The following USP26 variants were observed in gnomAD, a reference collection of about 807,000 sequenced individuals.
USP26 encodes ubiquitin specific peptidase 26.
For synonymous variants in USP26, 236 were observed against 240.6 expected (o/e 0.98, Z 0.18); for missense variants, 649 against 642.3 (o/e 1.01, Z -0.11).
In USP26 at chrX:133,028,113, A is replaced by G. The variant is rs1463480594; in HGVS notation, c.108T>C (p.Asp36=). Residue 36 remains aspartate, a synonymous_variant, in exon 6 of 6, where the codon GAT becomes GAC. Coordinates refer to ENST00000511190, the MANE Select transcript of USP26 (RefSeq NM_031907.3). ...CACTTTTGAAATACAGCACCAGTCT[A>G]TCTTTCTTCTTTCTTTCCACTGCTT... ...FIEAVERKKK[D]RLVLYFKSGK... 2 of 1,211,417 alleles carry G rather than the reference A, an allele frequency of 1.7e-6. No individual in the cohort carries two copies. The highest frequency in any genetic ancestry group is 2.2e-6 in the Non-Finnish European group (2 of 895,178).
chrX:133,026,452 G>C lies in USP26; in HGVS notation c.1769C>G (p.Ala590Gly), dbSNP rs1465588347. Residue 590 changes from alanine to glycine, a missense_variant, in exon 6 of 6, where the codon GCA becomes GGA. Ala to Gly is a moderately conservative substitution (Grantham distance 60). Transcript: ENST00000511190. ...TSGNISVSWPATKESKDILAP... is the reference protein window; with the variant it reads ...TSGNISVSWPGTKESKDILAP... ...CAGGATATCTTTGGATTCCTTTGTT[G>C]CAGGCCATGATACACTGATGTTTCC... 1.7e-6 allele frequency: 2 copies of C among 1,208,303 alleles called. No individual in the cohort carries two copies. Among genetic ancestry groups the C allele is most frequent in the Non-Finnish European group, 1.1e-6 (1 of 894,669 alleles).
At chrX:133,092,605 T>C (rs771680849) in intron 1 of USP26, among the ~76,000 whole-genome samples, 1 of 112,115 alleles carries the variant, frequency 8.9e-6, no homozygotes, top group South Asian at 3.7e-4. Flanking sequence ...TTTGTGGGTA[T>C]GCTCTTTGGA....
intron 5 of USP26, among the ~76,000 whole-genome samples, chrX:133,058,799 T>A (rs1045945074): frequency 2.7e-5 from 3 of 111,355 alleles, no homozygotes; most frequent in Non-Finnish European, 5.7e-5. Flanking sequence ...TTTCTATTTA[T>A]TGTTCTTTAT....
intron 5 of USP26, among the ~76,000 whole-genome samples, chrX:133,059,477 T>C (rs1174411928): frequency 9.0e-6 from 1 of 111,353 alleles, no homozygotes; most frequent in East Asian, 2.8e-4. Context: ...GTATTTGCAC[T>C]TTGGCTGGCA....
chrX:133,058,622 C>T (rs2067484914), intron 5 of USP26, among the ~76,000 whole-genome samples: 1 of 111,522 alleles, frequency 9.0e-6, no homozygotes, highest in South Asian at 3.8e-4. Flanking sequence ...GATTTATCTT[C>T]CTCCATCTCT....
intron 5 of USP26, among the ~76,000 whole-genome samples, chrX:133,034,485 T>A (rs2067389554): frequency 8.9e-6 from 1 of 111,974 alleles, no homozygotes; most frequent in Non-Finnish European, 1.9e-5. Context: ...TTTAAATGCA[T>A]ACACACTTTA....
chrX:133,085,381 T>G (rs1393663961), intron 4 of USP26, among the ~76,000 whole-genome samples: 1 of 112,352 alleles, frequency 8.9e-6, no homozygotes, highest in Non-Finnish European at 1.9e-5. Context: ...AGGAGGCAGC[T>G]TATTCCTAGT....
chrX:133,078,522 T>C (rs1166271244), intron 5 of USP26, among the ~76,000 whole-genome samples: 1 of 112,274 alleles, frequency 8.9e-6, no homozygotes, highest in African/African-American at 3.2e-5. Context: ...TGAAGAAAGT[T>C]AGTTAAATGA....
intron 5 of USP26, among the ~76,000 whole-genome samples, chrX:133,039,580 C>T (rs2067409935): frequency 9.0e-6 from 1 of 111,454 alleles, no homozygotes; most frequent in Non-Finnish European, 1.9e-5. Flanking sequence ...GTTTTACTTC[C>T]AATTATGTGG....
At chrX:133,081,907 C>T (rs1174480433) in intron 5 of USP26, among the ~76,000 whole-genome samples, 1 of 111,890 alleles carries the variant, frequency 8.9e-6, no homozygotes, top group Non-Finnish European at 1.9e-5. Context: ...CTTTTGAATG[C>T]CCACATTCTA....
chrX:133,083,247 C>G (rs2067576140), intron 5 of USP26, among the ~76,000 whole-genome samples: 1 of 112,057 alleles, frequency 8.9e-6, no homozygotes, highest in Admixed American at 9.5e-5. Context: ...CCTCTGTGAT[C>G]TCTTGATATT....
intron 5 of USP26, among the ~76,000 whole-genome samples, chrX:133,046,655 G>A (rs777440891): frequency 9.0e-6 from 1 of 110,940 alleles, no homozygotes; most frequent in South Asian, 3.9e-4. Flanking sequence ...GAGAGAGAGA[G>A]AAACAGAGAG....
At chrX:133,073,462 T>C (rs1020803592) in intron 5 of USP26, among the ~76,000 whole-genome samples, 1 of 110,932 alleles carries the variant, frequency 9.0e-6, no homozygotes, top group Non-Finnish European at 1.9e-5. Context: ...CCCTTGTGCC[T>C]ATACCTTATA....
chrX:133,025,940 G>T lies in USP26; in HGVS notation c.2281C>A (p.Pro761Thr), dbSNP rs771295598. 3.3e-6 allele frequency: 4 copies of T among 1,211,245 alleles called. No homozygotes were observed. The highest frequency in any genetic ancestry group is 4.5e-6 in the Non-Finnish European group (4 of 895,421). The change falls in exon 6 of 6, where the codon CCA (proline) becomes ACA (threonine). Residue 761 changes from proline to threonine, a missense_variant. Pro to Thr is a conservative substitution (Grantham distance 38). Transcript: ENST00000511190. ...APQQALPQSF[P>T]KPGTQGHTKN... ...GTGTGCCCCTGGGTGCCTGGCTTTG[G>T]AAAGCTTTGAGGCAGTGCCTGCTGA... is the stretch of plus-strand genomic sequence containing the variant.
chrX:133,087,085 A>G (rs1317424264), intron 4 of USP26, among the ~76,000 whole-genome samples: 1 of 110,766 alleles, frequency 9.0e-6, no homozygotes, highest in Non-Finnish European at 1.9e-5. Context: ...TTAATAGTAA[A>G]AGTGTTTTCA....
chrX:133,075,860 A>C, intron 5 of USP26, among the ~76,000 whole-genome samples: 1 of 111,962 alleles, frequency 8.9e-6, no homozygotes, highest in South Asian at 3.8e-4. Flanking sequence ...TAGGAAATCC[A>C]GACTATTTGA....
chrX:133,091,471 A>G (rs1171478201), intron 1 of USP26, 28 bp from the exon 2 acceptor site: 1 of 112,400 alleles, frequency 8.9e-6, no homozygotes, highest in African/African-American at 3.2e-5. Flanking sequence ...AGAAATAAAG[A>G]TCAGAACTTT....
rs760116960 is a variant in USP26 at position 133,027,887 on chromosome X, G to T, written c.334C>A (p.Pro112Thr). 1.5e-4 allele frequency: 176 copies of T among 1,208,169 alleles called. No individual in the cohort carries two copies. In the South Asian group the frequency reaches 2.5e-3, roughly 17 times the overall value. ...GAAAAGACACTCCCACCCTTACCAG[G>T]TCTCACAGGTGGCTGAACCTCGTTT... ...HQNEVQPPVR[P>T]GKGGSVFSST... The change falls in exon 6 of 6, where the codon CCT (proline) becomes ACT (threonine). Residue 112 changes from proline to threonine, a missense_variant. Physicochemically the swap from Pro to Thr is conservative, Grantham distance 38 (BLOSUM62 -1). Transcript: ENST00000511190.
At chrX:133,094,068 C>G (rs2067618527) in intron 1 of USP26, among the ~76,000 whole-genome samples, 1 of 106,153 alleles carries the variant, frequency 9.4e-6, no homozygotes, top group Non-Finnish European at 1.9e-5. Flanking sequence ...AAAATACTTA[C>G]ACTTTATCCT....
Sources: allele counts gnomAD v4.1 joint callset (sites outside exome capture counted in the v4.1 genomes callset), GRCh38; gene constraint gnomAD v4.1.1; transcripts MANE v1.5; gene names NCBI Gene and HGNC (gene_info 2026-07-23, HGNC 2026-07-21).